The following C10orf90 variants were observed in gnomAD, a reference collection of about 807,000 sequenced individuals.
C10orf90 encodes the protein (E2-independent) E3 ubiquitin-conjugating enzyme FATS.
A neutral mutation model predicts 62.5 loss-of-function variants in C10orf90; 56 were observed. The observed-to-expected ratio is 0.90, with a 90% confidence interval of 0.72 to 1.12. The LOEUF (loss-of-function observed/expected upper bound fraction) is 1.12, where lower values mean the gene tolerates loss of function less well. C10orf90 is among the 50% of genes most tolerant of loss of function. The pLI is 0.00. For synonymous variants in C10orf90, 386 were observed against 340.4 expected, an observed-to-expected ratio of 1.13 and a Z score of -1.47; for missense variants, 970 against 880.4, an observed-to-expected ratio of 1.10 and a Z score of -1.29.
intron 2 of C10orf90, among the ~76,000 whole-genome samples, chr10:126,573,621 C>G (rs796252449): frequency 6.6e-6 from 1 of 152,186 alleles, no homozygotes; most frequent in African/African-American, 2.4e-5. Flanking sequence ...ACAGCCCCCA[C>G]ACTTCTGTAC....
chr10:126,663,120 G>T (rs1846551553), intron 1 of C10orf90, among the ~76,000 whole-genome samples: 1 of 152,164 alleles, frequency 6.6e-6, no homozygotes, highest in Non-Finnish European at 1.5e-5. Context: ...AAAAACAGAG[G>T]GTGGTAAGAA....
intron 2 of C10orf90, among the ~76,000 whole-genome samples, chr10:126,589,038 AAC>A (rs779414288): frequency 1.3e-5 from 2 of 152,226 alleles, no homozygotes; most frequent in Non-Finnish European, 2.9e-5. Context: ...TGAAAAACAC[AAC>A]ACAAGAAATT....
chr10:126,567,091 G>T (rs184820913), intron 2 of C10orf90, among the ~76,000 whole-genome samples: 200 of 152,266 alleles, frequency 1.3e-3, no homozygotes, highest in Non-Finnish European at 2.5e-4. Flanking sequence ...GGGTGCCCTG[G>T]TCATAAAGAA....
intron 2 of C10orf90, among the ~76,000 whole-genome samples, chr10:126,576,754 A>ATAT: frequency 3.9e-5 from 2 of 51,094 alleles, no homozygotes; most frequent in Admixed American, 1.8e-4. Context: ...ATATACATAT[A>ATAT]GATAATATGT....
intron 2 of C10orf90, among the ~76,000 whole-genome samples, chr10:126,552,468 G>A (rs1477531996): frequency 6.6e-6 from 1 of 152,160 alleles, no homozygotes; most frequent in Non-Finnish European, 1.5e-5. Context: ...AATGCAAATG[G>A]GCATTCAAGA....
chr10:126,601,396 T>G (rs12249394), intron 2 of C10orf90, among the ~76,000 whole-genome samples: 2,578 of 152,332 alleles, frequency 0.017, 61 homozygotes, highest in African/African-American at 0.059. Context: ...TACTTAACTA[T>G]AGAAGCCATT....
intron 2 of C10orf90, among the ~76,000 whole-genome samples, chr10:126,636,250 C>T (rs1379153300): frequency 1.3e-5 from 2 of 152,044 alleles, no homozygotes; most frequent in African/African-American, 4.8e-5. Flanking sequence ...TAACAATGAC[C>T]CCTCACACGT....
At chr10:126,613,542 G>A (rs968477537) in intron 2 of C10orf90, among the ~76,000 whole-genome samples, 2 of 152,116 alleles carry the variant, frequency 1.3e-5, no homozygotes, top group Admixed American at 6.6e-5. Flanking sequence ...CACCATGCCC[G>A]GCCTCAGATG....
intron 2 of C10orf90, among the ~76,000 whole-genome samples, chr10:126,565,111 T>A (rs1306627467): frequency 2.4e-5 from 1 of 40,892 alleles, no homozygotes; most frequent in African/African-American, 9.5e-5. Context: ...ATATAAAATA[T>A]ATATTATATA....
intron 7 of C10orf90, among the ~76,000 whole-genome samples, chr10:126,434,963 C>T (rs867927344): frequency 9.9e-5 from 15 of 152,168 alleles, no homozygotes; most frequent in African/African-American, 2.9e-4. Flanking sequence ...GGTGAGTTAA[C>T]GACTCATAGG....
rs759554857 is a variant in C10orf90 at position 126,504,001 on chromosome 10, G to A, written c.1490C>T (p.Ala497Val). ...AGGAATGTGAATGGACAGTTGGTTG[G>A]CATGATCGCTGGCGTGACAATGAGT... is the stretch of plus-strand genomic sequence containing the variant. Reference protein sequence around the residue: ...HTTHCHASDHANQLSIHIPGW... With the variant: ...HTTHCHASDHVNQLSIHIPGW... The change falls in exon 4 of 10, where the codon GCC (alanine) becomes GTC (valine). Residue 497 changes from alanine (A) to valine (V), a missense_variant. Physicochemically the swap from Ala to Val is moderately conservative, Grantham distance 64. Transcript: ENST00000488181. The surrounding 1 kb of genome is among the most constrained non-coding windows in gnomAD (Gnocchi z 4.1). 12 of 1,613,410 alleles carry A rather than the reference G, an allele frequency of 7.4e-6. No homozygotes were observed. In the South Asian group the frequency reaches 1.2e-4, roughly 16 times the overall value.
chr10:126,530,900 G>A (rs769287709), intron 2 of C10orf90, among the ~76,000 whole-genome samples: 28 of 152,260 alleles, frequency 1.8e-4, no homozygotes, highest in East Asian at 3.9e-4. Context: ...CAGGCCAGGC[G>A]CGGTGGCTCA....
rs759424821 is a variant in C10orf90 at position 126,464,787 on chromosome 10, GA to G, written c.1733del (p.Ile578ThrfsTer25). On this transcript the variant is annotated frameshift_variant, in exon 5 of 10. Transcript: ENST00000488181. LOFTEE classifies it high-confidence loss of function. Reference protein sequence around the residue: ...RRHQSFLKPRILFPGFLCPLQ... With the variant: ...RRHQSFLKPRXLFPGFLCPLQ... ...AGGGGCAAAGAAACCCAGGAAAAAG[GA>G]TTCTGGGTTTCAGGAAGCTTTGATG... 1.9e-6 allele frequency: 3 copies of G among 1,614,000 alleles called. No homozygotes were observed. The South Asian group carries it at 3.3e-5, about 18-fold the overall frequency.
At chr10:126,473,255 A>T (rs4547011) in intron 4 of C10orf90, among the ~76,000 whole-genome samples, 51,488 of 152,044 alleles carry the variant, frequency 0.34, 9,117 homozygotes, top group African/African-American at 0.45. Flanking sequence ...GTTCATGCCT[A>T]TTACTCAGAA....
chr10:126,506,538 A>C (rs1355223266), intron 3 of C10orf90, among the ~76,000 whole-genome samples: 1 of 152,354 alleles, frequency 6.6e-6, no homozygotes, highest in South Asian at 2.1e-4. Flanking sequence ...CCAAATCCCA[A>C]CATGCAGAGA....
At chr10:126,635,251 G>C (rs541651200) in intron 2 of C10orf90, among the ~76,000 whole-genome samples, 1 of 152,270 alleles carries the variant, frequency 6.6e-6, no homozygotes, top group Admixed American at 6.5e-5. Context: ...ACCGGAAAAG[G>C]AAGAAAATTC....
intron 4 of C10orf90, among the ~76,000 whole-genome samples, chr10:126,473,649 A>AT (rs55819559): frequency 0.16 from 24,372 of 149,802 alleles, 2,025 homozygotes; most frequent in Middle Eastern, 0.24. Flanking sequence ...CTGGATTTTT[A>AT]TTTTTTTTTT....
At chr10:126,485,764 C>A (rs562362782) in intron 4 of C10orf90, among the ~76,000 whole-genome samples, 3 of 147,622 alleles carry the variant, frequency 2.0e-5, no homozygotes, top group Admixed American at 6.7e-5. Context: ...CATGGTGAAA[C>A]CCTATCTCTA....
intron 4 of C10orf90, among the ~76,000 whole-genome samples, chr10:126,492,212 G>T (rs1861804463): frequency 6.6e-6 from 1 of 152,196 alleles, no homozygotes; most frequent in South Asian, 2.1e-4. Flanking sequence ...GGGAACATTT[G>T]CCAGTGCCTG....
Sources: gnomAD v4.1 joint callset for allele counts (sites outside exome capture counted in the v4.1 genomes callset) on GRCh38, gnomAD v4.1.1 for gene constraint, Gnocchi (gnomAD v3.1) non-coding constraint, MANE v1.5 for transcripts, NCBI Gene and HGNC (gene_info 2026-07-23, HGNC 2026-07-21) for gene names.